Variants in RAPGEF6 observed in about 807,000 individuals in gnomAD.
RAPGEF6 encodes the protein PDZ domain containing guanine nucleotide exchange factor (GEF) 2.
In RAPGEF6, 56 loss-of-function variants were observed where a neutral mutation model predicts 171.4. That is an observed-to-expected ratio of 0.33 (90% CI 0.26 to 0.41). The LOEUF (loss-of-function observed/expected upper bound fraction) is 0.41. Ranked by LOEUF, RAPGEF6 falls within the 10% of genes least tolerant of loss-of-function variation. RAPGEF6 has a pLI of 1.00. For missense variants in RAPGEF6, 1,674 were observed against 1,921.4 expected, an observed-to-expected ratio of 0.87 and a Z score of 2.41; for synonymous variants, 692 against 650.1, an observed-to-expected ratio of 1.06 and a Z score of -0.98.
chr5:131,446,382 A>G (rs1752690998), intron 22 of RAPGEF6, 101 bp downstream of exon 22: 3 of 1,118,160 alleles, frequency 2.7e-6, no homozygotes, highest in Non-Finnish European at 3.8e-6. Context: ...ATCTTTTGTG[A>G]GTGAAAGTTA....
chr5:131,443,285 C>T (rs546850709), intron 22 of RAPGEF6, among the ~76,000 whole-genome samples: 1 of 151,926 alleles, frequency 6.6e-6, no homozygotes, highest in Non-Finnish European at 1.5e-5. Context: ...ACCACGTTGC[C>T]CAGGCTGGTC....
chr5:131,521,171 T>G (rs1758449384), intron 7 of RAPGEF6, among the ~76,000 whole-genome samples: 1 of 152,180 alleles, frequency 6.6e-6, no homozygotes, highest in African/African-American at 2.4e-5. Flanking sequence ...GAACACTAGA[T>G]TCATACTCTG....
At position 131,530,529 on chromosome 5, in the gene RAPGEF6, A is replaced by C. The variant is rs988744513; in HGVS notation, c.496-9008T>G. ...TAAAATGTACTGGAAAATGAAAAGA[A>C]GTATAACAAAATTCTAAGTTTTATG... On this transcript the variant is annotated intron_variant, in intron 6 of 27. Transcript: ENST00000509018. Among the ~76,000 whole-genome samples the C allele has an allele frequency of 7.0e-4, 106 of 152,344 alleles. 1 individual carries two copies. Among genetic ancestry groups the C allele is most frequent in the African/African-American group, 2.4e-3 (98 of 41,578 alleles).
At chr5:131,524,982 T>C (rs1335606852) in intron 6 of RAPGEF6, among the ~76,000 whole-genome samples, 1 of 152,162 alleles carries the variant, frequency 6.6e-6, no homozygotes, top group Non-Finnish European at 1.5e-5. Context: ...AACATCACAC[T>C]GTACCCCATA....
chr5:131,445,485 C>T (rs1752620949), intron 22 of RAPGEF6, among the ~76,000 whole-genome samples: 1 of 85,850 alleles, frequency 1.2e-5, no homozygotes, highest in South Asian at 3.3e-4. Context: ...GCAAATTTAA[C>T]TCACTCTCTG....
At chr5:131,451,708 G>T (rs1024086143) in intron 21 of RAPGEF6, among the ~76,000 whole-genome samples, 1 of 152,142 alleles carries the variant, frequency 6.6e-6, no homozygotes, top group Non-Finnish European at 1.5e-5. Flanking sequence ...TATTGTGTTG[G>T]TGTAAAAGTA....
chr5:131,559,373 T>G (rs1205988971), intron 5 of RAPGEF6, among the ~76,000 whole-genome samples: 1 of 152,076 alleles, frequency 6.6e-6, no homozygotes, highest in Non-Finnish European at 1.5e-5. Context: ...TCTCCCACTG[T>G]GATTGTGGGT....
chr5:131,545,586 T>C (rs564493310), intron 6 of RAPGEF6, among the ~76,000 whole-genome samples: 2 of 152,322 alleles, frequency 1.3e-5, no homozygotes, highest in African/African-American at 4.8e-5. Flanking sequence ...TTTTGCTACA[T>C]AGCATCCTTA....
chr5:131,580,209 C>A (rs190392740), intron 4 of RAPGEF6, among the ~76,000 whole-genome samples: 3,108 of 152,246 alleles, frequency 0.02, 110 homozygotes, highest in African/African-American at 0.071. Context: ...GGTGAGAATT[C>A]GAGCGTGGCA....
rs1325843031 is a variant in RAPGEF6 at position 131,429,091 on chromosome 5, C to T, written c.4591G>A (p.Asp1531Asn). ...EGPHTHLKPP[D>N]YSVAVQRSKM... ...GACCTCTGCACTGCCACACTATAAT[C>T]TGGAGGTTTTAGGTGTGTGTGGGGT... is the stretch of plus-strand genomic sequence containing the variant. Residue 1531 changes from aspartate (D) to asparagine (N), a missense_variant, in exon 27 of 28, where the codon GAT becomes AAT. Around this residue, in one of 3 missense-constraint regions of RAPGEF6, gnomAD observed 552 missense variants for 574.2 expected, o/e 0.96. Transcript: ENST00000509018. The T allele has an allele frequency of 6.2e-7, 1 of 1,614,062 alleles. No homozygotes were observed. Among genetic ancestry groups the T allele is most frequent in the African/African-American group, 1.3e-5 (1 of 74,912 alleles).
intron 5 of RAPGEF6, among the ~76,000 whole-genome samples, chr5:131,560,753 G>A (rs1262815485): frequency 2.0e-5 from 3 of 152,178 alleles, no homozygotes; most frequent in Admixed American, 2.0e-4. Context: ...GACACAAGTG[G>A]AATAAGACAT....
intron 21 of RAPGEF6, among the ~76,000 whole-genome samples, chr5:131,451,411 C>T (rs1425967893): frequency 4.0e-5 from 6 of 151,178 alleles, no homozygotes; most frequent in African/African-American, 1.5e-4. Context: ...TGGTGAAACC[C>T]TATCTCTACT....
At chr5:131,544,683 TAA>T (rs1460842489) in intron 6 of RAPGEF6, among the ~76,000 whole-genome samples, 1 of 152,184 alleles carries the variant, frequency 6.6e-6, no homozygotes, top group Non-Finnish European at 1.5e-5. Context: ...AAATTTCATT[TAA>T]AAAAAATTTT....
intron 1 of RAPGEF6, among the ~76,000 whole-genome samples, chr5:131,605,538 G>A (rs899846957): frequency 5.9e-5 from 9 of 151,974 alleles, no homozygotes; most frequent in African/African-American, 1.2e-4. Flanking sequence ...GCTTAAATTC[G>A]CTATAAAAAA....
rs1401457495 is a variant in RAPGEF6, at chr5:131,510,406, T to C, written c.713A>G (p.Glu238Gly). The C allele has an allele frequency of 1.2e-6, 2 of 1,614,156 alleles. No individual in the cohort carries two copies. The highest frequency in any genetic ancestry group is 1.1e-5 in the South Asian group (1 of 91,082). Residue 238 changes from glutamate (E) to glycine (G), a missense_variant, in exon 8 of 28, where the codon GAA (glutamate) becomes GGA (glycine). Glu to Gly is a moderately conservative substitution (Grantham distance 98). This residue lies in a region of RAPGEF6 where 1,116 missense variants were observed against 1,321.5 expected (regional missense o/e 0.84). Transcript: ENST00000509018. ...CAATGGATCTGTTCGATCAATCTCT[T>C]CATCTTCCTCTTCGTCATCCTCAGA... ...VDSEDDEEEDEEIDRTDPLQG... is the reference protein window; with the variant it reads ...VDSEDDEEEDGEIDRTDPLQG...
chr5:131,623,616 G>T (rs1169972389), intron 1 of RAPGEF6, among the ~76,000 whole-genome samples: 1 of 151,422 alleles, frequency 6.6e-6, no homozygotes, highest in Non-Finnish European at 1.5e-5. Context: ...CTCCCAAGTA[G>T]ATGGGATTAC....
Position 131,452,064 on chromosome 5 carries a change from C to G in RAPGEF6, c.3200+990G>C, listed in dbSNP as rs1753121627. ...TGAAACCTTGTCTCTACTAAAAATA[C>G]AAAAAATTAGCCGGGCGTAGTGGCA... On this transcript the variant is annotated intron_variant, in intron 21 of 27. Transcript: ENST00000509018. Among the ~76,000 whole-genome samples, 3 of 152,118 alleles carry G rather than the reference C, an allele frequency of 2.0e-5. No homozygotes were observed. The South Asian group carries it at 6.2e-4, about 32-fold the overall frequency.
chr5:131,512,367 T>TC (rs1379365208), intron 7 of RAPGEF6, among the ~76,000 whole-genome samples: 8 of 60,088 alleles, frequency 1.3e-4, no homozygotes, highest in Middle Eastern at 0.018. Context: ...TTTACATTTT[T>TC]TTTCTTCTTT....
At chr5:131,599,773 T>A (rs1764117451) in intron 3 of RAPGEF6, among the ~76,000 whole-genome samples, 1 of 152,190 alleles carries the variant, frequency 6.6e-6, no homozygotes, top group Non-Finnish European at 1.5e-5. Flanking sequence ...CCATTTTTGA[T>A]AAATTTTTTT....
Sources: allele counts gnomAD v4.1 joint callset (sites outside exome capture counted in the v4.1 genomes callset), GRCh38; gene constraint gnomAD v4.1.1; regional missense constraint gnomAD v4.1.1; transcripts MANE v1.5; gene names NCBI Gene and HGNC (gene_info 2026-07-23, HGNC 2026-07-21).